CNTN4: variants seen among roughly 807,000 people sequenced by gnomAD.
CNTN4 encodes the protein contactin-4.
In CNTN4, 77 loss-of-function variants were observed where a neutral mutation model predicts 122.5. The ratio of observed to expected loss-of-function variants is 0.63; its 90% confidence interval spans 0.52 to 0.76. The LOEUF is 0.76. Among genes scored for constraint, CNTN4 ranks in the 30% least tolerant of loss-of-function variants. The pLI is 0.00. For missense variants in CNTN4, 1,256 were observed against 1,259.1 expected (o/e 1.00, Z 0.04); for synonymous variants, 512 against 447.0 (o/e 1.15, Z -1.83).
At chr3:2,532,673 C>G (rs765241953) in intron 3 of CNTN4, among the ~76,000 whole-genome samples, 7 of 151,910 alleles carry the variant, frequency 4.6e-5, no homozygotes, top group Non-Finnish European at 7.4e-5. Context: ...CTTAATTTAC[C>G]AATTATTAGT....
chr3:2,224,933 G>A (rs1000136045), intron 2 of CNTN4, among the ~76,000 whole-genome samples: 11 of 151,796 alleles, frequency 7.2e-5, no homozygotes, highest in African/African-American at 2.2e-4. Flanking sequence ...GGTGGATCAC[G>A]AGGTCAGGAG....
intron 4 of CNTN4, among the ~76,000 whole-genome samples, chr3:2,722,420 A>C (rs1256132890): frequency 6.6e-6 from 1 of 152,114 alleles, no homozygotes; most frequent in Non-Finnish European, 1.5e-5. Flanking sequence ...CATGTTTCTC[A>C]AGCAAGCAGA....
intron 2 of CNTN4, among the ~76,000 whole-genome samples, chr3:2,158,273 T>G (rs548235042): frequency 6.6e-6 from 1 of 152,222 alleles, no homozygotes; most frequent in South Asian, 2.1e-4. Flanking sequence ...AGTTTAGATA[T>G]GTTTCTAAAA....
At chr3:2,753,334 A>G (rs1486319696) in intron 6 of CNTN4, among the ~76,000 whole-genome samples, 1 of 152,190 alleles carries the variant, frequency 6.6e-6, no homozygotes, top group African/African-American at 2.4e-5. Context: ...AATAATTGTT[A>G]AACTCCTAGA....
intron 3 of CNTN4, among the ~76,000 whole-genome samples, chr3:2,530,544 G>A (rs1018636672): frequency 7.2e-5 from 11 of 151,924 alleles, no homozygotes; most frequent in African/African-American, 2.2e-4. Flanking sequence ...TCCTGACCTC[G>A]TGATCTGCCT....
intron 2 of CNTN4, among the ~76,000 whole-genome samples, chr3:2,296,693 G>A (rs1338273898): frequency 6.6e-6 from 1 of 151,552 alleles, no homozygotes; most frequent in Non-Finnish European, 1.5e-5. Flanking sequence ...TAGAACAAAA[G>A]GGCACAAGAA....
chr3:2,710,819 C>A (rs2087101044), intron 4 of CNTN4, among the ~76,000 whole-genome samples: 1 of 152,142 alleles, frequency 6.6e-6, no homozygotes, highest in African/African-American at 2.4e-5. Context: ...CTATTTGAAC[C>A]TTTGCTTGTG....
intron 6 of CNTN4, among the ~76,000 whole-genome samples, chr3:2,754,710 A>G (rs2149634842): frequency 6.6e-6 from 1 of 152,140 alleles, no homozygotes. Context: ...GCAATCTATG[A>G]ATAAAGTAAC....
intron 6 of CNTN4, among the ~76,000 whole-genome samples, chr3:2,797,718 A>G (rs895678170): frequency 2.0e-5 from 3 of 152,226 alleles, no homozygotes; most frequent in Non-Finnish European, 4.4e-5. Flanking sequence ...CCAAGAGTTC[A>G]ATATAGTTTT....
At chr3:3,003,254 T>C (rs1696227461) in intron 14 of CNTN4, among the ~76,000 whole-genome samples, 1 of 152,204 alleles carries the variant, frequency 6.6e-6, no homozygotes, top group Non-Finnish European at 1.5e-5. Context: ...CTGAGCCATG[T>C]GTAGATGTAT....
At chr3:3,003,058 A>T (rs1304454518) in intron 14 of CNTN4, among the ~76,000 whole-genome samples, 1 of 152,184 alleles carries the variant, frequency 6.6e-6, no homozygotes, top group African/African-American at 2.4e-5. Context: ...AACTGATGAC[A>T]TTGATTTTAC....
intron 3 of CNTN4, among the ~76,000 whole-genome samples, chr3:2,467,528 A>G (rs759278350): frequency 6.6e-5 from 10 of 152,154 alleles, no homozygotes; most frequent in Non-Finnish European, 7.4e-5. Flanking sequence ...TTATGTTTGT[A>G]TGACAATTGG....
At chr3:2,778,282 A>G (rs2091430276) in intron 6 of CNTN4, among the ~76,000 whole-genome samples, 1 of 41,332 alleles carries the variant, frequency 2.4e-5, no homozygotes, top group Admixed American at 3.8e-4. Context: ...TCCCAGAAAT[A>G]TTTTGTGTTA....
chr3:2,177,656 T>TGTG (rs2036813446), intron 2 of CNTN4, among the ~76,000 whole-genome samples: 1 of 147,448 alleles, frequency 6.8e-6, no homozygotes, highest in African/African-American at 2.5e-5. Context: ...GTGTGTGTGT[T>TGTG]TGTGTGTGTG....
intron 3 of CNTN4, chr3:2,362,802 G>A: frequency 1.6e-5 from 3 of 192,594 alleles, no homozygotes; most frequent in South Asian, 9.7e-5. Flanking sequence ...AGAGAAAAAG[G>A]GAAGCTGTGA....
At chr3:2,736,842 T>C (rs970203848) in intron 5 of CNTN4, among the ~76,000 whole-genome samples, 2 of 149,322 alleles carry the variant, frequency 1.3e-5, no homozygotes, top group Admixed American at 6.7e-5. Context: ...AGGAGTGCAG[T>C]GTGCGACCAC....
At chr3:2,182,406 T>C (rs1223365820) in intron 2 of CNTN4, among the ~76,000 whole-genome samples, 1 of 152,108 alleles carries the variant, frequency 6.6e-6, no homozygotes, top group Non-Finnish European at 1.5e-5. Flanking sequence ...TTTAATAAAG[T>C]CTAGAGATCT....
chr3:2,226,670 A>C (rs560655814), intron 2 of CNTN4, among the ~76,000 whole-genome samples: 1 of 152,294 alleles, frequency 6.6e-6, no homozygotes, highest in South Asian at 2.1e-4. Flanking sequence ...AGGGCTATTA[A>C]GTTCTTCATT....
intron 7 of CNTN4, among the ~76,000 whole-genome samples, chr3:2,855,709 T>C (rs981462540): frequency 1.3e-5 from 2 of 152,206 alleles, no homozygotes; most frequent in Non-Finnish European, 2.9e-5. Flanking sequence ...CATCAACATA[T>C]GTCATTTAGC....
Sources: gnomAD v4.1 joint callset for allele counts (sites outside exome capture counted in the v4.1 genomes callset) on GRCh38, gnomAD v4.1.1 for gene constraint, MANE v1.5 for transcripts, NCBI Gene and HGNC (gene_info 2026-07-23, HGNC 2026-07-21) for gene names.